RAB6B: variants seen among roughly 807,000 people sequenced by gnomAD.
RAB6B encodes RAB6B, member RAS oncogene family.
Under a neutral mutation model 31.2 loss-of-function variants are expected in RAB6B, and 7 were observed. The observed-to-expected ratio is 0.22, with a 90% confidence interval of 0.13 to 0.42. The LOEUF (loss-of-function observed/expected upper bound fraction) is 0.42. Among genes scored for constraint, RAB6B ranks in the 10% least tolerant of loss-of-function variants. The probability of loss-of-function intolerance (pLI) is 1.00; values close to 1 mark genes in which losing one functional copy is unlikely to be tolerated. For missense variants in RAB6B, 149 were observed against 280.6 expected (o/e 0.53, Z 3.35); for synonymous variants, 105 against 104.9 (o/e 1.00, Z -0.01).
chr3:133,885,378 C>T lies in RAB6B; in HGVS notation c.70+10019G>A, dbSNP rs535442451. Among the ~76,000 whole-genome samples, 6 of 151,896 alleles carry T rather than the reference C, an allele frequency of 4.0e-5. No individual in the cohort carries two copies. In the South Asian group the frequency reaches 6.3e-4, roughly 16 times the overall value. ...ATGACCAGAGGACGGGGGACTCACA[C>T]ATCCAATGGCCAGAGGATGGGCTGC... On this transcript the variant is annotated intron_variant, in intron 1 of 7. Coordinates refer to ENST00000285208, the MANE Select transcript of RAB6B (RefSeq NM_016577.4).
intron 2 of RAB6B, among the ~76,000 whole-genome samples, chr3:133,854,863 T>G (rs1373934014): frequency 6.6e-6 from 1 of 152,260 alleles, no homozygotes; most frequent in Non-Finnish European, 1.5e-5. Flanking sequence ...CTATGTGCAT[T>G]TATTATGAAA....
At chr3:133,889,512 GA>G (rs1384843314) in intron 1 of RAB6B, among the ~76,000 whole-genome samples, 1 of 146,456 alleles carries the variant, frequency 6.8e-6, no homozygotes, top group Non-Finnish European at 1.5e-5. Context: ...TCGGCTCACT[GA>G]AACCTCCGCC....
intron 2 of RAB6B, among the ~76,000 whole-genome samples, chr3:133,857,022 G>A (rs148568795): frequency 3.3e-5 from 5 of 151,956 alleles, no homozygotes; most frequent in African/African-American, 7.3e-5. Context: ...CTATGGGGTT[G>A]AGCATCATTT....
chr3:133,828,901 C>T, intron 7 of RAB6B, 49 bp from the exon 8 acceptor site: 1 of 1,487,338 alleles, frequency 6.7e-7, no homozygotes, highest in Non-Finnish European at 9.2e-7. Context: ...CAAGCTGCCA[C>T]CCCACTTAGC....
intron 1 of RAB6B, among the ~76,000 whole-genome samples, chr3:133,874,800 A>AT (rs34218354): frequency 3.4e-4 from 51 of 149,126 alleles, no homozygotes; most frequent in South Asian, 2.5e-3. Flanking sequence ...TTGTCTATTA[A>AT]TTTTTTTTTT....
rs752993137 is a variant in RAB6B, at chr3:133,873,961, T to G, written c.71-9319A>C. Among the ~76,000 whole-genome samples, 8 of 152,222 alleles carry G rather than the reference T, an allele frequency of 5.3e-5. 1 individual carries two copies. Among genetic ancestry groups the G allele is most frequent in the Non-Finnish European group, 1.2e-4 (8 of 68,050 alleles). On this transcript the variant is annotated intron_variant, in intron 1 of 7. Transcript: ENST00000285208. ...TAGGGAAGAGAAAATAGATTTACTG[T>G]TCATTAAGTGAAAGTGGATCATCAT...
At chr3:133,870,116 A>C (rs1354491467) in intron 1 of RAB6B, among the ~76,000 whole-genome samples, 4 of 152,218 alleles carry the variant, frequency 2.6e-5, no homozygotes, top group African/African-American at 9.7e-5. Flanking sequence ...AAACAGGTTT[A>C]ACTGACTCAC....
At chr3:133,863,905 C>G (rs1248254289) in intron 2 of RAB6B, among the ~76,000 whole-genome samples, 1 of 152,208 alleles carries the variant, frequency 6.6e-6, no homozygotes, top group Admixed American at 6.5e-5. Context: ...ACAAACCTCC[C>G]TACTCACCAG....
rs1425842422 is a variant in RAB6B, at chr3:133,834,654, A to T, written c.496-13T>A. ...CACGTCGAAAAAGCTGGAAAGATGA[A>T]GAAATGCAGTGTGAACCCCAACCCT... On this transcript the variant is annotated splice_polypyrimidine_tract_variant and intron_variant, in intron 6 of 7. Transcript: ENST00000285208. 18 of 1,613,544 alleles carry T rather than the reference A, an allele frequency of 1.1e-5. No homozygotes were observed. Among genetic ancestry groups the T allele is most frequent in the Non-Finnish European group, 1.5e-5 (18 of 1,179,556 alleles).
intron 6 of RAB6B, 114 bp from the exon 7 acceptor site, chr3:133,834,755 A>G (rs1321685837): frequency 5.1e-6 from 5 of 989,722 alleles, no homozygotes; most frequent in Non-Finnish European, 4.8e-6. Flanking sequence ...TTACTCTCCC[A>G]TCTGCCCAGC....
intron 6 of RAB6B, 151 bp from the exon 7 acceptor site, chr3:133,834,792 G>T: frequency 1.4e-6 from 1 of 733,494 alleles, no homozygotes; most frequent in South Asian, 1.6e-5. Context: ...GGCAGGGGCT[G>T]TGCCTATGTT....
chr3:133,848,606 A>G (rs1935936696), intron 2 of RAB6B, among the ~76,000 whole-genome samples: 1 of 152,134 alleles, frequency 6.6e-6, no homozygotes, highest in Admixed American at 6.5e-5. Flanking sequence ...GTGTCATCCC[A>G]TGTCAGAAGG....
chr3:133,853,227 G>C (rs114101645), intron 2 of RAB6B, among the ~76,000 whole-genome samples: 2,133 of 152,282 alleles, frequency 0.014, 49 homozygotes, highest in African/African-American at 0.049. Flanking sequence ...TGATGGGAAG[G>C]TGGGTATGAG....
At chr3:133,887,888 G>GC (rs1178097202) in intron 1 of RAB6B, among the ~76,000 whole-genome samples, 1 of 152,154 alleles carries the variant, frequency 6.6e-6, no homozygotes, top group Non-Finnish European at 1.5e-5. Flanking sequence ...GGATTTAGCT[G>GC]CCCCCATAGG....
chr3:133,861,436 T>A (rs1021997884), intron 2 of RAB6B, among the ~76,000 whole-genome samples: 4 of 152,082 alleles, frequency 2.6e-5, no homozygotes, highest in Non-Finnish European at 5.9e-5. Flanking sequence ...CCCTGAGGCA[T>A]CTCACGGGGC....
chr3:133,855,056 A>G (rs1156562745), intron 2 of RAB6B, among the ~76,000 whole-genome samples: 1 of 152,224 alleles, frequency 6.6e-6, no homozygotes, highest in Non-Finnish European at 1.5e-5. Context: ...GGAAGCATCC[A>G]TAAGTGGCAG....
chr3:133,895,814 G>T lies in RAB6B; in HGVS notation c.-348C>A. The stretch of plus-strand genomic sequence containing the variant: ...CGCAGGGACGGCGCGCGGGGCGGAG[G>T]AGCGCTCTCCAGAGCCGCGCCAGTC... On this transcript the variant is annotated 5_prime_UTR_variant, in exon 1 of 8. Transcript: ENST00000285208. 7.0e-6 allele frequency: 2 copies of T among 283,808 alleles called. No individual in the cohort carries two copies. 17.6% of individuals were successfully genotyped at this position (283,808 alleles called of 1,614,324 possible). A position where few individuals can be genotyped will look rare whatever the true frequency, so the allele number is the denominator to read the frequency against.
At chr3:133,842,015 G>A (rs1935843566) in intron 2 of RAB6B, among the ~76,000 whole-genome samples, 1 of 152,222 alleles carries the variant, frequency 6.6e-6, no homozygotes, top group South Asian at 2.1e-4. Context: ...TCCCTGCCTT[G>A]TTCCCTTCAT....
chr3:133,828,158 G>A lies in RAB6B; in HGVS notation c.*630C>T, dbSNP rs896580348. 2 of 597,308 alleles carry A rather than the reference G, an allele frequency of 3.3e-6. No homozygotes were observed. Among genetic ancestry groups the A allele is most frequent in the Non-Finnish European group, 3.0e-6 (1 of 334,550 alleles). The allele number at this position is 597,308 out of a possible 1,614,324, so 37.0% of individuals were successfully genotyped here. A position where few individuals can be genotyped will look rare whatever the true frequency, so the allele number is the denominator to read the frequency against. Reference sequence around the variant, plus strand: ...CTAGAGCCCACAGACCTTGGTCTCAGCTCCACACGAGGTTGACGACCCACT... The same window carrying A: ...CTAGAGCCCACAGACCTTGGTCTCAACTCCACACGAGGTTGACGACCCACT... On this transcript the variant is annotated 3_prime_UTR_variant, in exon 8 of 8. Transcript: ENST00000285208.
Sources: allele counts gnomAD v4.1 joint callset (sites outside exome capture counted in the v4.1 genomes callset), GRCh38; gene constraint gnomAD v4.1.1; transcripts MANE v1.5; gene names NCBI Gene and HGNC (gene_info 2026-07-23, HGNC 2026-07-21).